Variants in NTRK3 observed in about 807,000 individuals in gnomAD.
The protein encoded by NTRK3 is neurotrophic receptor tyrosine kinase 3.
NTRK3 carries 24 observed loss-of-function variants against 91.7 expected under a neutral mutation model. The observed-to-expected ratio is 0.26, with a 90% CI of 0.19 to 0.37. The LOEUF (loss-of-function observed/expected upper bound fraction) is 0.37, where lower values mean the gene tolerates loss of function less well. NTRK3 is among the 10% of genes least tolerant of loss of function. The probability of loss-of-function intolerance (pLI) is 1.00; values close to 1 mark genes in which losing one functional copy is unlikely to be tolerated. For missense variants in NTRK3, 880 were observed against 1,068.9 expected, an observed-to-expected ratio of 0.82 and a Z score of 2.46; for synonymous variants, 483 against 404.0, an observed-to-expected ratio of 1.20 and a Z score of -2.34.
chr15:88,051,604 T>C (rs1004463992), intron 13 of NTRK3, among the ~76,000 whole-genome samples: 7 of 152,218 alleles, frequency 4.6e-5, no homozygotes, highest in Non-Finnish European at 7.3e-5. Context: ...TCCTTATCTA[T>C]AAATAGGGTT....
chr15:87,987,766 C>T (rs1214750059), intron 14 of NTRK3, among the ~76,000 whole-genome samples: 4 of 151,680 alleles, frequency 2.6e-5, no homozygotes, highest in Admixed American at 6.6e-5. Flanking sequence ...TATTTTCCTC[C>T]TCAATGTCAG....
At chr15:87,862,899 C>G in exon 19 of NTRK3, 1 of 230,968 alleles carries the variant, frequency 4.3e-6, no homozygotes, top group Non-Finnish European at 8.6e-6. Context: ...TTTCTGTCCC[C>G]AAACTTCATA....
At chr15:88,081,023 C>G (rs2047994411) in intron 13 of NTRK3, among the ~76,000 whole-genome samples, 1 of 152,198 alleles carries the variant, frequency 6.6e-6, no homozygotes, top group Non-Finnish European at 1.5e-5. Flanking sequence ...CGGAGAGAGG[C>G]TGGGATGAAT....
intron 13 of NTRK3, among the ~76,000 whole-genome samples, chr15:88,109,642 C>T (rs1039932749): frequency 2.6e-5 from 4 of 151,898 alleles, no homozygotes; most frequent in Non-Finnish European, 4.4e-5. Flanking sequence ...GGGGGCTGGG[C>T]GGGGGGCGTT....
intron 5 of NTRK3, among the ~76,000 whole-genome samples, chr15:88,169,708 T>C (rs1313078194): frequency 6.6e-6 from 1 of 152,120 alleles, no homozygotes; most frequent in Non-Finnish European, 1.5e-5. Flanking sequence ...GTCTAGTGGG[T>C]CCCACAGGCC....
chr15:88,085,450 G>A (rs1455792162), intron 13 of NTRK3, among the ~76,000 whole-genome samples: 2 of 152,164 alleles, frequency 1.3e-5, no homozygotes, highest in South Asian at 2.1e-4. Context: ...CATCTGCCAT[G>A]AGAAGAATAT....
intron 14 of NTRK3, among the ~76,000 whole-genome samples, chr15:88,003,651 G>T (rs1326527102): frequency 2.0e-5 from 3 of 152,124 alleles, no homozygotes; most frequent in African/African-American, 7.2e-5. Context: ...GCTCCGCTGA[G>T]AAGAAAGAGG....
chr15:87,975,773 T>C (rs1302689006), intron 14 of NTRK3, among the ~76,000 whole-genome samples: 5 of 152,194 alleles, frequency 3.3e-5, no homozygotes. Flanking sequence ...CCATAGTCTC[T>C]TCCCCGTCAA....
chr15:87,947,109 C>T (rs546671940), intron 14 of NTRK3, among the ~76,000 whole-genome samples: 111 of 152,160 alleles, frequency 7.3e-4, no homozygotes, highest in South Asian at 3.3e-3. Flanking sequence ...AAACTCCCGA[C>T]CTCAGGTAAT....
intron 5 of NTRK3, among the ~76,000 whole-genome samples, chr15:88,182,504 C>G (rs2046569660): frequency 6.6e-6 from 1 of 152,122 alleles, no homozygotes; most frequent in Admixed American, 6.5e-5. Flanking sequence ...AAAGACTAGC[C>G]CATAGCACAC....
chr15:87,986,214 ATC>A (rs1440545359), intron 14 of NTRK3, among the ~76,000 whole-genome samples: 1 of 152,212 alleles, frequency 6.6e-6, no homozygotes, highest in Non-Finnish European at 1.5e-5. Flanking sequence ...ACTTCAAAAT[ATC>A]TGTCTTTGTA....
At chr15:88,170,022 T>C (rs1555534717) in intron 5 of NTRK3, among the ~76,000 whole-genome samples, 1 of 152,152 alleles carries the variant, frequency 6.6e-6, no homozygotes, top group Non-Finnish European at 1.5e-5. Context: ...ACTATCCCAC[T>C]GAAGCCAAAG....
At chr15:88,040,574 A>G (rs935373799) in intron 13 of NTRK3, among the ~76,000 whole-genome samples, 1 of 152,218 alleles carries the variant, frequency 6.6e-6, no homozygotes, top group Non-Finnish European at 1.5e-5. Context: ...CTAATGCCCT[A>G]CTGTTGGCTC....
At chr15:87,956,554 G>A (rs910328741) in intron 14 of NTRK3, among the ~76,000 whole-genome samples, 20 of 151,830 alleles carry the variant, frequency 1.3e-4, no homozygotes, top group African/African-American at 3.9e-4. Context: ...GATTACAGGC[G>A]TGAGCCACAA....
At chr15:88,205,572 A>G (rs2048677720) in intron 3 of NTRK3, among the ~76,000 whole-genome samples, 1 of 152,162 alleles carries the variant, frequency 6.6e-6, no homozygotes, top group African/African-American at 2.4e-5. Flanking sequence ...CCAGCCAGCC[A>G]CAGCCCTCTA....
intron 6 of NTRK3, among the ~76,000 whole-genome samples, chr15:88,140,376 C>T (rs1469137670): frequency 6.6e-6 from 1 of 152,160 alleles, no homozygotes; most frequent in East Asian, 1.9e-4. Flanking sequence ...ACACTCTTGG[C>T]CAGACCCAGC....
rs190846863 is a variant in NTRK3 at position 87,865,167 on chromosome 15, C to T, written c.*11768G>A. ...TATGCAGCTTTATTCTGATTTCTTT[C>T]TGGAGTGATCAAAATACTTTTAGAA... On this transcript the variant is annotated 3_prime_UTR_variant, in exon 19 of 19. Coordinates refer to ENST00000394480, the Ensembl canonical transcript of NTRK3. 174 of 208,664 alleles carry T rather than the reference C, an allele frequency of 8.3e-4. 1 individual carries two copies. The highest frequency in any genetic ancestry group is 3.7e-3 in the African/African-American group (165 of 44,030). The allele number at this position is 208,664 out of a possible 1,614,324, so 12.9% of individuals were successfully genotyped here.
chr15:87,983,619 T>C (rs1027430002), intron 14 of NTRK3, among the ~76,000 whole-genome samples: 2 of 152,144 alleles, frequency 1.3e-5, no homozygotes, highest in Non-Finnish European at 2.9e-5. Context: ...CTTTATAATA[T>C]GGAAAAACAG....
At chr15:88,172,195 A>T (rs546277868) in intron 5 of NTRK3, among the ~76,000 whole-genome samples, 8 of 152,374 alleles carry the variant, frequency 5.3e-5, no homozygotes, top group African/African-American at 1.9e-4. Flanking sequence ...GCAAGAAAAG[A>T]GACTTTCAAA....
Sources: allele counts gnomAD v4.1 joint callset (sites outside exome capture counted in the v4.1 genomes callset), GRCh38; gene constraint gnomAD v4.1.1; transcripts MANE v1.5; gene names NCBI Gene and HGNC (gene_info 2026-07-23, HGNC 2026-07-21).